The following F3 variants were observed in gnomAD, a reference collection of about 807,000 sequenced individuals.
F3 encodes the protein tissue factor.
A neutral mutation model predicts 33.5 loss-of-function variants in F3; 18 were observed. The observed-to-expected ratio is 0.54, with a 90% confidence interval of 0.37 to 0.80. F3 has a LOEUF of 0.80. F3 is among the 30% of genes least tolerant of loss of function. The probability of loss-of-function intolerance (pLI) is 0.00; values close to 1 mark genes in which losing one functional copy is unlikely to be tolerated. For synonymous variants in F3, 147 were observed against 140.7 expected (o/e 1.05, Z -0.32); for missense variants, 353 against 362.1 (o/e 0.97, Z 0.20).
Position 94,540,295 on chromosome 1 carries a change from T to G in F3, c.174A>C (p.Glu58Asp). 6.2e-7 allele frequency: 1 copy of G among 1,613,924 alleles called. No individual in the cohort carries two copies. Among genetic ancestry groups the G allele is most frequent in the Non-Finnish European group, 8.5e-7 (1 of 1,179,836 alleles). ...STNFKTILEWEPKPVNQVYTV... is the reference protein window; with the variant it reads ...STNFKTILEWDPKPVNQVYTV... ...TGTAGACTTGATTGACGGGTTTGGG[T>G]TCCCACTCCAAAATTGTCTTGAAAT... The change falls in exon 2 of 6, where the codon GAA becomes GAC. Residue 58 changes from glutamate (E) to aspartate (D), a missense_variant. Physicochemically the swap from Glu to Asp is conservative, Grantham distance 45. Transcript: ENST00000334047.
intron 1 of F3, chr1:94,541,158 G>T (rs1458008659): frequency 4.8e-6 from 1 of 209,382 alleles, no homozygotes; most frequent in East Asian, 1.1e-4. Flanking sequence ...ACCTCTGCAC[G>T]CCAACACGTG....
rs1282388196 is a variant in F3, at chr1:94,529,601, AAT to A, written c.*857_*858del. 6.6e-6 allele frequency: 1 copy of A among 152,576 alleles called. No homozygotes were observed. 9.5% of individuals were successfully genotyped at this position (152,576 alleles called of 1,614,324 possible). On this transcript the variant is annotated 3_prime_UTR_variant, in exon 6 of 6. Coordinates refer to ENST00000334047, the MANE Select transcript of F3 (RefSeq NM_001993.5). ...ATATTAGGAAGGTGCCCAGAATACC[AAT>A]GTCTCCTGCACTTAACACATTAATA...
intron 5 of F3, among the ~76,000 whole-genome samples, chr1:94,531,343 C>A (rs1651420537): frequency 6.7e-6 from 1 of 149,410 alleles, no homozygotes; most frequent in Non-Finnish European, 1.5e-5. Flanking sequence ...GCTCTGTCAC[C>A]CAGGCTGGAG....
Position 94,530,640 on chromosome 1 carries a change from C to T in F3, c.752-44G>A, listed in dbSNP as rs75255699. 3 of 1,609,434 alleles carry T rather than the reference C, an allele frequency of 1.9e-6. No individual in the cohort carries two copies. The African/African-American group carries it at 4.0e-5, about 21-fold the overall frequency. On this transcript the variant is annotated intron_variant, in intron 5 of 5. Coordinates refer to ENST00000334047, the MANE Select transcript of F3 (RefSeq NM_001993.5). The stretch of plus-strand genomic sequence containing the variant: ...CTAGTCAACTTGGAGAGCTCAAATC[C>T]CATTTATCAGTGGACAAAATTGACG...
At chr1:94,538,740 C>G (rs1377210641) in intron 2 of F3, among the ~76,000 whole-genome samples, 1 of 152,192 alleles carries the variant, frequency 6.6e-6, no homozygotes, top group Non-Finnish European at 1.5e-5. Flanking sequence ...TCCTTTTTAA[C>G]CAGGAATCTC....
intron 2 of F3, among the ~76,000 whole-genome samples, chr1:94,540,041 C>T (rs1255430390): frequency 6.6e-6 from 1 of 152,206 alleles, no homozygotes; most frequent in Non-Finnish European, 1.5e-5. Context: ...TTTCCAAAAA[C>T]AATTAAAACA....
chr1:94,536,206 C>T, intron 2 of F3, 42 bp from the exon 3 acceptor site: 4 of 1,579,306 alleles, frequency 2.5e-6, no homozygotes, highest in Non-Finnish European at 3.5e-6. Context: ...TGGAATGTTA[C>T]AATTTGCACC....
chr1:94,531,804 G>A (rs1209950245), intron 5 of F3, among the ~76,000 whole-genome samples: 1 of 152,056 alleles, frequency 6.6e-6, no homozygotes, highest in African/African-American at 2.4e-5. Flanking sequence ...ACACGTGTCC[G>A]CCATATACAC....
At chr1:94,535,642 C>G (rs1651579796) in intron 3 of F3, among the ~76,000 whole-genome samples, 1 of 152,018 alleles carries the variant, frequency 6.6e-6, no homozygotes, top group African/African-American at 2.4e-5. Context: ...AAAACCCCGG[C>G]CTTGGTGGAT....
chr1:94,540,627 T>G (rs1435766821), intron 1 of F3: 4 of 398,336 alleles, frequency 1.0e-5, no homozygotes, highest in Non-Finnish European at 1.8e-5. Flanking sequence ...AAATTATTCA[T>G]GGGCAAAGCC....
intron 2 of F3, 27 bp from the exon 3 acceptor site, chr1:94,536,191 A>T: frequency 1.9e-6 from 3 of 1,606,010 alleles, no homozygotes; most frequent in Non-Finnish European, 2.6e-6. Context: ...AGGAAGAAAC[A>T]TAAATGGAAT....
chr1:94,537,771 A>C (rs1379075078), intron 2 of F3, among the ~76,000 whole-genome samples: 2 of 152,186 alleles, frequency 1.3e-5, no homozygotes, highest in Non-Finnish European at 2.9e-5. Flanking sequence ...TTTGGTTTCT[A>C]TTTATTTAAT....
intron 3 of F3, 138 bp downstream of exon 3, chr1:94,535,827 G>A: frequency 1.3e-6 from 1 of 752,922 alleles, no homozygotes; most frequent in Non-Finnish European, 2.2e-6. Context: ...AATGTGTGAA[G>A]AGGGCTGTGA....
In F3 at chr1:94,540,379, C is replaced by G; in HGVS notation, c.101-11G>C. 6.4e-7 allele frequency: 1 copy of G among 1,569,736 alleles called. No homozygotes were observed. Among genetic ancestry groups the G allele is most frequent in the Non-Finnish European group, 8.8e-7 (1 of 1,140,730 alleles). On this transcript the variant is annotated splice_polypyrimidine_tract_variant and intron_variant, in intron 1 of 5. Transcript: ENST00000334047. ...CAGTATTTGTAGTGCCTTTAAACAA[C>G]AGAGAAACAGCTATTATTACATGCA...
rs1358923392 is a variant in F3, at chr1:94,541,409, G to T, written c.100+128C>A. On this transcript the variant is annotated intron_variant, in intron 1 of 5. Transcript: ENST00000334047. ...CAAGCCGGGCTGGGTGAGCGCAGCC[G>T]AGTCCCGTAGGCGCGGGGGACAACA... 7.1e-6 allele frequency: 5 copies of T among 708,284 alleles called. No homozygotes were observed. The African/African-American group carries it at 9.3e-5, about 13-fold the overall frequency. The allele number at this position is 708,284 out of a possible 1,614,324, so 43.9% of individuals were successfully genotyped here.
Position 94,530,574 on chromosome 1 carries a change from A to G in F3, c.774T>C (p.Ala258=), listed in dbSNP as rs1283359043. 5 of 1,614,060 alleles carry G rather than the reference A, an allele frequency of 3.1e-6. No homozygotes were observed. The highest frequency in any genetic ancestry group is 4.2e-6 in the Non-Finnish European group (5 of 1,180,030). ...EFREIFYIIG[A]VVFVVIILVI... is the part of the protein sequence containing the mutation. ...CAAGGATGATGACCACAAATACCAC[A>G]GCTCCAATGATGTAGAATATTTCTG... Residue 258 remains alanine (A), a synonymous_variant, in exon 6 of 6, where the codon GCT becomes GCC. Coordinates refer to ENST00000334047, the MANE Select transcript of F3 (RefSeq NM_001993.5).
intron 2 of F3, among the ~76,000 whole-genome samples, chr1:94,537,016 C>T (rs914067911): frequency 4.6e-5 from 7 of 152,248 alleles, no homozygotes; most frequent in Admixed American, 3.3e-4. Context: ...ACATATCTAA[C>T]GAGTGGCAGA....
chr1:94,530,925 G>A, intron 5 of F3, among the ~76,000 whole-genome samples: 1 of 152,196 alleles, frequency 6.6e-6, no homozygotes, highest in East Asian at 1.9e-4. Context: ...TATAACGGAA[G>A]GTGAACCCTA....
intron 3 of F3, among the ~76,000 whole-genome samples, chr1:94,534,270 G>T (rs1482478456): frequency 6.6e-6 from 1 of 152,052 alleles, no homozygotes. Flanking sequence ...TGTGTTAATT[G>T]ACTGTTTATC....
Sources: allele counts gnomAD v4.1 joint callset (sites outside exome capture counted in the v4.1 genomes callset), GRCh38; gene constraint gnomAD v4.1.1; transcripts MANE v1.5; gene names NCBI Gene and HGNC (gene_info 2026-07-23, HGNC 2026-07-21).